The following ST6GALNAC3 variants were observed in gnomAD, a reference collection of about 807,000 sequenced individuals.
ST6GALNAC3 encodes the protein ST6 N-acetylgalactosaminide alpha-2,6-sialyltransferase 3, also known as alpha-N-acetylgalactosaminide alpha-2,6-sialyltransferase 3.
ST6GALNAC3 carries 25 observed loss-of-function variants against 32.7 expected under a neutral mutation model. That is an observed-to-expected ratio of 0.76 (90% CI 0.56 to 1.07). The LOEUF is 1.07. Among genes scored for constraint, ST6GALNAC3 ranks in the 50% least tolerant of loss-of-function variants. ST6GALNAC3 has a pLI of 0.00. For synonymous variants in ST6GALNAC3, 129 were observed against 133.1 expected (o/e 0.97, Z 0.21); for missense variants, 355 against 382.4 (o/e 0.93, Z 0.60).
At chr1:76,596,567 G>A (rs988372515) in intron 3 of ST6GALNAC3, among the ~76,000 whole-genome samples, 4 of 152,118 alleles carry the variant, frequency 2.6e-5, no homozygotes, top group African/African-American at 4.8e-5. Flanking sequence ...TCTGATCTTC[G>A]TCAGAAATAA....
chr1:76,301,939 T>A (rs1159020460), intron 1 of ST6GALNAC3, among the ~76,000 whole-genome samples: 1 of 151,960 alleles, frequency 6.6e-6, no homozygotes, highest in African/African-American at 2.4e-5. Context: ...CAGGACTGTT[T>A]GTCATGCTTT....
chr1:76,478,487 G>C (rs934829620), intron 3 of ST6GALNAC3, among the ~76,000 whole-genome samples: 1 of 152,204 alleles, frequency 6.6e-6, no homozygotes, highest in East Asian at 1.9e-4. Flanking sequence ...AGGCTTTTCT[G>C]TTCTGGTTGA....
intron 3 of ST6GALNAC3, among the ~76,000 whole-genome samples, chr1:76,488,529 G>A (rs146205365): frequency 6.6e-6 from 1 of 152,102 alleles, no homozygotes; most frequent in Non-Finnish European, 1.5e-5. Context: ...TGAAAACCAG[G>A]GTAAGCTTAG....
At chr1:76,118,404 G>A (rs1451365632) in intron 1 of ST6GALNAC3, among the ~76,000 whole-genome samples, 3 of 152,204 alleles carry the variant, frequency 2.0e-5, no homozygotes, top group Admixed American at 6.5e-5. Flanking sequence ...GTAAGTAAAT[G>A]TCTTCCCTGA....
chr1:76,305,923 G>A, intron 1 of ST6GALNAC3: 1 of 518,150 alleles, frequency 1.9e-6, no homozygotes, highest in Non-Finnish European at 3.9e-6. Context: ...TAGAGCCTGT[G>A]TTCTAGTGTG....
intron 2 of ST6GALNAC3, among the ~76,000 whole-genome samples, chr1:76,408,070 G>A (rs147818643): frequency 6.6e-6 from 1 of 152,138 alleles, no homozygotes; most frequent in African/African-American, 2.4e-5. Flanking sequence ...GCATACTGTA[G>A]TTTGAAGGTG....
intron 3 of ST6GALNAC3, among the ~76,000 whole-genome samples, chr1:76,536,761 G>T (rs374449198): frequency 4.8e-5 from 1 of 20,672 alleles, no homozygotes; most frequent in Admixed American, 6.5e-4. Context: ...TTACATAAAA[G>T]GGAACAATTC....
At chr1:76,471,826 G>A (rs1393012420) in intron 3 of ST6GALNAC3, among the ~76,000 whole-genome samples, 1 of 149,368 alleles carries the variant, frequency 6.7e-6, no homozygotes, top group Non-Finnish European at 1.5e-5. Context: ...TTACAAGAAT[G>A]TCTAAGTTCT....
rs563004342 is a variant in ST6GALNAC3 at position 76,251,465 on chromosome 1, C to T, written c.19-62340C>T. Among the ~76,000 whole-genome samples the T allele has an allele frequency of 2.0e-5, 3 of 152,212 alleles. No homozygotes were observed. The South Asian group carries it at 6.2e-4, about 32-fold the overall frequency. On this transcript the variant is annotated intron_variant, in intron 1 of 4. Coordinates refer to ENST00000328299, the MANE Select transcript of ST6GALNAC3 (RefSeq NM_152996.4). ...GTAGACCTGCTCATTCTTGCCTCAA[C>T]CTCTCTTTCTAGCCTTGTCTCACAT...
chr1:76,321,827 C>T (rs191543447), intron 2 of ST6GALNAC3, among the ~76,000 whole-genome samples: 9 of 152,282 alleles, frequency 5.9e-5, no homozygotes, highest in Non-Finnish European at 1.2e-4. Flanking sequence ...AATTGCTAGT[C>T]GTACTCAACT....
At chr1:76,510,835 A>G (rs1209647206) in intron 3 of ST6GALNAC3, among the ~76,000 whole-genome samples, 1 of 152,220 alleles carries the variant, frequency 6.6e-6, no homozygotes, top group Non-Finnish European at 1.5e-5. Flanking sequence ...GAAGTGATGA[A>G]TGTCTCATGT....
intron 1 of ST6GALNAC3, among the ~76,000 whole-genome samples, chr1:76,229,261 C>T (rs1237708823): frequency 3.3e-5 from 5 of 152,160 alleles, no homozygotes; most frequent in African/African-American, 7.2e-5. Flanking sequence ...CAATTGACCT[C>T]AAGTGGCCAG....
intron 3 of ST6GALNAC3, among the ~76,000 whole-genome samples, chr1:76,579,273 T>G (rs1646857667): frequency 6.6e-6 from 1 of 151,972 alleles, no homozygotes; most frequent in African/African-American, 2.4e-5. Context: ...AAATACCAAC[T>G]CATTGGTCTC....
chr1:76,348,382 G>C (rs958992666), intron 2 of ST6GALNAC3, among the ~76,000 whole-genome samples: 1 of 152,120 alleles, frequency 6.6e-6, no homozygotes, highest in Non-Finnish European at 1.5e-5. Flanking sequence ...TTGCACATGA[G>C]AATTGATGTG....
At chr1:76,494,109 G>C (rs1240324922) in intron 3 of ST6GALNAC3, among the ~76,000 whole-genome samples, 1 of 151,854 alleles carries the variant, frequency 6.6e-6, no homozygotes, top group African/African-American at 2.4e-5. Context: ...CTCGGCAGCA[G>C]GATTTCTGAA....
At chr1:76,337,899 C>A (rs958645177) in intron 2 of ST6GALNAC3, among the ~76,000 whole-genome samples, 2 of 152,114 alleles carry the variant, frequency 1.3e-5, no homozygotes, top group African/African-American at 2.4e-5. Context: ...ACTGACATTT[C>A]CAAAGGGCTG....
intron 3 of ST6GALNAC3, among the ~76,000 whole-genome samples, chr1:76,598,115 T>C (rs1047958311): frequency 1.3e-5 from 2 of 152,102 alleles, no homozygotes; most frequent in Admixed American, 6.6e-5. Flanking sequence ...TGCTGTGCCC[T>C]TCCATGGTAT....
chr1:76,097,986 T>G (rs1217297328), intron 1 of ST6GALNAC3, among the ~76,000 whole-genome samples: 1 of 152,130 alleles, frequency 6.6e-6, no homozygotes, highest in East Asian at 1.9e-4. Flanking sequence ...AATGAACGTG[T>G]GTGAAAGATG....
intron 3 of ST6GALNAC3, among the ~76,000 whole-genome samples, chr1:76,441,940 A>G (rs1294540440): frequency 6.6e-6 from 1 of 152,208 alleles, no homozygotes; most frequent in Non-Finnish European, 1.5e-5. Flanking sequence ...ATTTCTCTAA[A>G]CAATGAGTAG....
Sources: allele counts gnomAD v4.1 joint callset (sites outside exome capture counted in the v4.1 genomes callset), GRCh38; gene constraint gnomAD v4.1.1; transcripts MANE v1.5; gene names NCBI Gene and HGNC (gene_info 2026-07-23, HGNC 2026-07-21).